The following THAP4 variants were observed in gnomAD, a reference collection of about 807,000 sequenced individuals.
The protein encoded by THAP4 is THAP domain containing 4.
In THAP4, 18 loss-of-function variants were observed where a neutral mutation model predicts 48.1. The ratio of observed to expected loss-of-function variants is 0.37; its 90% CI spans 0.26 to 0.56. The LOEUF is 0.56. Ranked by LOEUF, THAP4 falls within the 20% of genes least tolerant of loss-of-function variation. The pLI, the probability that THAP4 is intolerant of heterozygous loss-of-function variation, is 0.78. For missense variants in THAP4, 656 were observed against 774.9 expected, an observed-to-expected ratio of 0.85 and a Z score of 1.82; for synonymous variants, 345 against 324.9, an observed-to-expected ratio of 1.06 and a Z score of -0.66.
At chr2:241,622,186 G>A (rs776849238) in intron 2 of THAP4, among the ~76,000 whole-genome samples, 4 of 152,154 alleles carry the variant, frequency 2.6e-5, no homozygotes, top group African/African-American at 7.2e-5. Context: ...TCTGGCCAAC[G>A]TGGTGAATCC....
intron 5 of THAP4, among the ~76,000 whole-genome samples, chr2:241,591,689 A>G (rs1418041476): frequency 6.6e-6 from 1 of 152,122 alleles, no homozygotes; most frequent in East Asian, 1.9e-4. Flanking sequence ...AGGAGAGGGG[A>G]CAGCACTTCA....
At chr2:241,620,059 GT>G in intron 2 of THAP4, among the ~76,000 whole-genome samples, 1 of 96,686 alleles carries the variant, frequency 1.0e-5, no homozygotes, top group Non-Finnish European at 2.1e-5. Context: ...TGAGGGGTGA[GT>G]GAGGGGTGAG....
At chr2:241,636,468 G>T (rs1292739398) in intron 1 of THAP4, among the ~76,000 whole-genome samples, 1 of 152,164 alleles carries the variant, frequency 6.6e-6, no homozygotes, top group African/African-American at 2.4e-5. Context: ...CGGCCGTCCC[G>T]TAGACTCTCC....
intron 2 of THAP4, among the ~76,000 whole-genome samples, chr2:241,607,679 C>A (rs1419383850): frequency 2.0e-5 from 3 of 149,598 alleles, no homozygotes; most frequent in Non-Finnish European, 4.4e-5. Flanking sequence ...CCGGCGTCTC[C>A]TCCAGGCCCG....
chr2:241,617,555 T>C (rs150149682), intron 2 of THAP4: 46 of 1,198,914 alleles, frequency 3.8e-5, no homozygotes, highest in Admixed American at 2.2e-4. Flanking sequence ...TTCTGGGAAT[T>C]GTAGTTCCAC....
chr2:241,625,391 C>A (rs2067483456), intron 2 of THAP4, among the ~76,000 whole-genome samples: 1 of 151,296 alleles, frequency 6.6e-6, no homozygotes, highest in African/African-American at 2.4e-5. Context: ...AGGTGGGTCA[C>A]CTGAGCCGAG....
At chr2:241,637,296 G>A (rs1257570461), upstream of THAP4, 31 of 1,152,732 alleles carry the variant, frequency 2.7e-5, no homozygotes, top group African/African-American at 3.3e-5. Flanking sequence ...CGGGCAGACG[G>A]GCGGGGGAGT....
chr2:241,589,260 A>C (rs550308733), intron 5 of THAP4, among the ~76,000 whole-genome samples: 3 of 151,936 alleles, frequency 2.0e-5, no homozygotes, highest in East Asian at 3.9e-4. Context: ...CCACCAAAAA[A>C]AACAACATTT....
intron 2 of THAP4, among the ~76,000 whole-genome samples, chr2:241,622,622 T>C (rs1223981936): frequency 6.6e-6 from 1 of 152,022 alleles, no homozygotes; most frequent in Admixed American, 6.6e-5. Context: ...TTTTTTGAGA[T>C]AGGGTTTTGT....
At chr2:241,621,290 G>C (rs2067426608) in intron 2 of THAP4, among the ~76,000 whole-genome samples, 1 of 152,188 alleles carries the variant, frequency 6.6e-6, no homozygotes. Flanking sequence ...AGAGGTTGCA[G>C]TGAGCCGAGA....
chr2:241,598,067 T>C (rs1026700095), intron 5 of THAP4, among the ~76,000 whole-genome samples: 3 of 150,300 alleles, frequency 2.0e-5, no homozygotes, highest in African/African-American at 7.4e-5. Context: ...AAAACATCAG[T>C]AAAAGAGAAG....
At position 241,610,636 on chromosome 2, in the gene THAP4, T is replaced by TTAAG. The variant is rs533668576; in HGVS notation, c.1241-4164_1241-4163insCTTA. ...GGTCTTCTCCCGGCCCCTCATCTAC[T>TTAAG]TGGCAGACGCCTCTCACCGGCAGCC... is the stretch of plus-strand genomic sequence containing the variant. On this transcript the variant is annotated intron_variant, in intron 2 of 5. Transcript: ENST00000407315. This position sits in a 1 kb window ranked among gnomAD's most constrained non-coding sequence, Gnocchi z 4.2. Among the ~76,000 whole-genome samples the TTAAG allele has an allele frequency of 6.6e-6, 1 of 151,376 alleles. No homozygotes were observed. The highest frequency in any genetic ancestry group is 2.4e-5 in the African/African-American group (1 of 41,308).
intron 5 of THAP4, among the ~76,000 whole-genome samples, chr2:241,592,692 T>C (rs1187769118): frequency 6.6e-6 from 1 of 152,216 alleles, no homozygotes; most frequent in East Asian, 1.9e-4. Context: ...CCTCGGTCTC[T>C]TCGAGAGGTT....
intron 5 of THAP4, among the ~76,000 whole-genome samples, chr2:241,598,083 T>C (rs2067071271): frequency 6.6e-6 from 1 of 151,128 alleles, no homozygotes; most frequent in Non-Finnish European, 1.5e-5. Flanking sequence ...AGAAGTGACA[T>C]AGAACAGCAC....
intron 2 of THAP4, among the ~76,000 whole-genome samples, chr2:241,621,403 G>A (rs575190363): frequency 2.6e-5 from 4 of 152,182 alleles, no homozygotes; most frequent in South Asian, 4.1e-4. Context: ...GGGCTCTAAT[G>A]GAAAAAGTGG....
upstream of THAP4, chr2:241,637,539 G>A (rs773624283): frequency 2.3e-5 from 33 of 1,453,890 alleles, no homozygotes; most frequent in South Asian, 3.4e-4. Flanking sequence ...CGGGGCTCGC[G>A]TCGGCCCGGC....
chr2:241,617,604 G>A (rs7580246), intron 2 of THAP4: 233,108 of 749,792 alleles, frequency 0.31, 37,911 homozygotes, highest in South Asian at 0.44. Context: ...AAAAGACAAT[G>A]ACAGCCCAGA....
Position 241,611,239 on chromosome 2 carries a change from T to TG in THAP4, c.1241-4767dup, listed in dbSNP as rs1330118838. 5.3e-5 allele frequency among the ~76,000 whole-genome samples: 8 copies of TG among 152,010 alleles called. No homozygotes were observed. The East Asian group carries it at 1.4e-3, about 26-fold the overall frequency. On this transcript the variant is annotated intron_variant, in intron 2 of 5. Transcript: ENST00000407315. ...GGGGCGGAGTGGGGAGCCCTGGACT[T>TG]GGGAAGCCTGGAGGCTCTTCTGGCC...
chr2:241,632,704 A>G (rs1473362200), intron 2 of THAP4, among the ~76,000 whole-genome samples: 1 of 152,158 alleles, frequency 6.6e-6, no homozygotes, highest in Non-Finnish European at 1.5e-5. Context: ...ATCCCTACAC[A>G]CACAGATGCC....
Sources: gnomAD v4.1 joint callset for allele counts (sites outside exome capture counted in the v4.1 genomes callset) on GRCh38, gnomAD v4.1.1 for gene constraint, Gnocchi (gnomAD v3.1) non-coding constraint, MANE v1.5 for transcripts, NCBI Gene and HGNC (gene_info 2026-07-23, HGNC 2026-07-21) for gene names.